The following FGG variants were observed in gnomAD, a reference collection of about 807,000 sequenced individuals.
FGG encodes the protein fibrinogen gamma chain.
A neutral mutation model predicts 51.7 loss-of-function variants in FGG; 20 were observed. The observed-to-expected ratio is 0.39, with a 90% CI of 0.27 to 0.56. FGG has a LOEUF of 0.56. Ranked by LOEUF, FGG falls within the 20% of genes least tolerant of loss-of-function variation. The pLI is 0.64. For synonymous variants in FGG, 184 were observed against 184.7 expected (o/e 1.00, Z 0.03); for missense variants, 460 against 534.2 (o/e 0.86, Z 1.37).
chr4:154,606,536 C>G (rs774234166), intron 8 of FGG, among the ~76,000 whole-genome samples, 169 bp downstream of exon 8: 5 of 152,138 alleles, frequency 3.3e-5, no homozygotes, highest in Non-Finnish European at 7.4e-5. Context: ...TAGGCATGAA[C>G]TTGGTATTAT....
chr4:154,605,101 T>C (rs1731074196), intron 8 of FGG, 35 bp from the exon 9 acceptor site: 1 of 1,613,044 alleles, frequency 6.2e-7, no homozygotes, highest in African/African-American at 1.3e-5. Flanking sequence ...ATCATTATTC[T>C]GGAATCTTTT....
In FGG at chr4:154,604,371, A is replaced by G. The variant is rs1355108913; in HGVS notation, c.*463T>C. ...GTCTCCAGCCTGTGAATATATAACA[A>G]AACAAAAACCATATTAAAAAGACAT... is the stretch of plus-strand genomic sequence containing the variant. On this transcript the variant is annotated 3_prime_UTR_variant, in exon 9 of 9. Transcript: ENST00000336098. 2 of 1,497,042 alleles carry G rather than the reference A, an allele frequency of 1.3e-6. No individual in the cohort carries two copies. The highest frequency in any genetic ancestry group is 1.4e-5 in the South Asian group (1 of 73,082). 92.7% of individuals were successfully genotyped at this position (1,497,042 alleles called of 1,614,324 possible). A position where few individuals can be genotyped will look rare whatever the true frequency, so the allele number is the denominator to read the frequency against.
Sources: gnomAD v4.1 joint callset for allele counts (sites outside exome capture counted in the v4.1 genomes callset) on GRCh38, gnomAD v4.1.1 for gene constraint, MANE v1.5 for transcripts, NCBI Gene and HGNC (gene_info 2026-07-23, HGNC 2026-07-21) for gene names.